The following CASC3 variants were observed in gnomAD, a reference collection of about 807,000 sequenced individuals.
CASC3 encodes the protein CASC3 exon junction complex subunit, also known as protein CASC3.
Under a neutral mutation model 80.5 loss-of-function variants are expected in CASC3, and 30 were observed. The observed-to-expected ratio is 0.37, with a 90% confidence interval of 0.28 to 0.51. The LOEUF is 0.51. CASC3 is among the 20% of genes least tolerant of loss of function. The pLI is 0.94. For synonymous variants in CASC3, 312 were observed against 333.6 expected (o/e 0.94, Z 0.70); for missense variants, 824 against 922.2 (o/e 0.89, Z 1.38).
At position 40,167,747 on chromosome 17, in the gene CASC3, C is replaced by T. The variant is rs554132311; in HGVS notation, c.1652-103C>T. ...AACATTGTCTGGTTGCTGTTTTCTT[C>T]GCATGGAATATTGAGAACATCTTTT... On this transcript the variant is annotated intron_variant, in intron 9 of 13. Coordinates refer to ENST00000264645, the MANE Select transcript of CASC3 (RefSeq NM_007359.5). 7.3e-4 allele frequency: 940 copies of T among 1,292,394 alleles called. 4 individuals are homozygous for T. The African/African-American group carries it at 0.011, about 16-fold the overall frequency. 80.1% of individuals were successfully genotyped at this position (1,292,394 alleles called of 1,614,324 possible). A position where few individuals can be genotyped will look rare whatever the true frequency, so the allele number is the denominator to read the frequency against.
At chr17:40,150,568 G>C (rs1029571378) in intron 3 of CASC3, among the ~76,000 whole-genome samples, 3 of 152,012 alleles carry the variant, frequency 2.0e-5, no homozygotes, top group African/African-American at 7.3e-5. Context: ...TGATTGAAAT[G>C]AATGAGCTAT....
At position 40,167,935 on chromosome 17, in the gene CASC3, C is replaced by A. The variant is rs1317631239; in HGVS notation, c.1737C>A (p.Asn579Lys). ...PQGMLVQPGMNLPHPGLHPHQ... is the reference protein window; with the variant it reads ...PQGMLVQPGMKLPHPGLHPHQ... ...GCATGCTTGTGCAGCCAGGAATGAA[C>A]CTTCCCCACCCAGGTAAGCTTTGTG... The change falls in exon 10 of 14, where the codon AAC (asparagine) becomes AAA (lysine). Residue 579 changes from asparagine (N) to lysine (K), a missense_variant. Around this residue, in one of 3 missense-constraint regions of CASC3, gnomAD observed 464 missense variants for 506.0 expected, o/e 0.92. Coordinates refer to ENST00000264645, the MANE Select transcript of CASC3 (RefSeq NM_007359.5). 1.9e-6 allele frequency: 3 copies of A among 1,614,062 alleles called. No individual in the cohort carries two copies. Among genetic ancestry groups the A allele is most frequent in the Admixed American group, 1.7e-5 (1 of 60,006 alleles).
chr17:40,142,387 A>G (rs1451172221), intron 3 of CASC3, among the ~76,000 whole-genome samples: 1 of 152,256 alleles, frequency 6.6e-6, no homozygotes, highest in Non-Finnish European at 1.5e-5. Flanking sequence ...AGGGTGTTAC[A>G]GCTGGGTACT....
At chr17:40,156,711 A>T (rs1368873850) in intron 3 of CASC3, among the ~76,000 whole-genome samples, 1 of 152,024 alleles carries the variant, frequency 6.6e-6, no homozygotes, top group Non-Finnish European at 1.5e-5. Context: ...TTAAAAAAAT[A>T]AAATAGTTGA....
At chr17:40,154,105 GTTTTTTT>G (rs548654217) in intron 3 of CASC3, among the ~76,000 whole-genome samples, 1 of 76,768 alleles carries the variant, frequency 1.3e-5, no homozygotes, top group South Asian at 4.4e-4. Context: ...GATGCTGAGC[GTTTTTTT>G]TTTTTTTTTT....
intron 3 of CASC3, among the ~76,000 whole-genome samples, chr17:40,156,453 G>A (rs575778364): frequency 4.4e-4 from 67 of 152,212 alleles, no homozygotes; most frequent in African/African-American, 1.6e-3. Flanking sequence ...TTGGGAGGCC[G>A]AGACAGGCGG....
chr17:40,168,094 C>A, intron 10 of CASC3, 109 bp from the exon 11 acceptor site: 1 of 1,263,876 alleles, frequency 7.9e-7, no homozygotes, highest in Admixed American at 1.8e-5. Context: ...CTCTTGTGTC[C>A]ATCCTGAGGA....
chr17:40,162,485 T>A (rs1356093871), intron 5 of CASC3, among the ~76,000 whole-genome samples: 1 of 152,204 alleles, frequency 6.6e-6, no homozygotes. Context: ...AGGTACTGAA[T>A]GGCATGAAAT....
chr17:40,163,368 C>G lies in CASC3; in HGVS notation c.786-113C>G, dbSNP rs1989355955. 1.3e-5 allele frequency: 11 copies of G among 834,146 alleles called. No individual in the cohort carries two copies. In the South Asian group the frequency reaches 1.7e-4, roughly 13 times the overall value. 51.7% of individuals were successfully genotyped at this position (834,146 alleles called of 1,614,324 possible). ...CAGGCTGGTCTTGAACTCCTGGCCT[C>G]AAGTGATCTGCCCGTCTCGATCTCC... On this transcript the variant is annotated intron_variant, in intron 6 of 13. Transcript: ENST00000264645.
chr17:40,166,177 A>C (rs1489782312), intron 7 of CASC3, among the ~76,000 whole-genome samples: 1 of 152,110 alleles, frequency 6.6e-6, no homozygotes, highest in Non-Finnish European at 1.5e-5. Context: ...CATTTTGCCT[A>C]TTGTGGTTTG....
chr17:40,148,255 G>C (rs887410863), intron 3 of CASC3, among the ~76,000 whole-genome samples: 1 of 152,000 alleles, frequency 6.6e-6, no homozygotes, highest in Non-Finnish European at 1.5e-5. Context: ...CTGTCCTACT[G>C]AATTTGGTCC....
chr17:40,158,868 T>C lies in CASC3; in HGVS notation c.298-2885T>C, dbSNP rs371608337. ...TTCTGCTGCAGAAAACCAGTACTCA[T>C]AGGCATTAAAAAAAGCTACCATTTT... On this transcript the variant is annotated intron_variant, in intron 3 of 13. Transcript: ENST00000264645. Among the ~76,000 whole-genome samples, 38 of 152,226 alleles carry C rather than the reference T, an allele frequency of 2.5e-4. No homozygotes were observed. The East Asian group carries it at 6.4e-3, about 26-fold the overall frequency.
Position 40,167,839 on chromosome 17 carries a change from A to G in CASC3, c.1652-11A>G. On this transcript the variant is annotated splice_polypyrimidine_tract_variant and intron_variant, in intron 9 of 13. Coordinates refer to ENST00000264645, the MANE Select transcript of CASC3 (RefSeq NM_007359.5). ...AAGGGTTTATGAGAGTCCCAATGTGATATCTTACAGTGCAGTTCCAGGGAC... is the reference window on the plus strand; with the variant it reads ...AAGGGTTTATGAGAGTCCCAATGTGGTATCTTACAGTGCAGTTCCAGGGAC... The G allele has an allele frequency of 1.2e-6, 2 of 1,609,308 alleles. No individual in the cohort carries two copies. The highest frequency in any genetic ancestry group is 1.1e-5 in the South Asian group (1 of 90,988).
rs899684038 is a variant in CASC3, at chr17:40,141,598, A to C, written c.288A>C (p.Glu96Asp). ...DAVLSDYESA[E>D]DSEGEEGEYS... ...TTCTCTCGGATTATGAAAGTGCAGAAGACTCGGAAGTGAGTATGACAGGTT... is the reference window on the plus strand; with the variant it reads ...TTCTCTCGGATTATGAAAGTGCAGACGACTCGGAAGTGAGTATGACAGGTT... Residue 96 changes from glutamate to aspartate, a missense_variant, in exon 3 of 14, where the codon GAA becomes GAC. Physicochemically the swap from Glu to Asp is conservative, Grantham distance 45. This residue lies in a region of CASC3 where 201 missense variants were observed against 294.1 expected (regional missense o/e 0.68). Transcript: ENST00000264645. 1.5e-5 allele frequency: 25 copies of C among 1,613,568 alleles called. No homozygotes were observed. Among genetic ancestry groups the C allele is most frequent in the Middle Eastern group, 3.3e-4 (2 of 6,082 alleles).
At chr17:40,155,502 G>C (rs891990217) in intron 3 of CASC3, among the ~76,000 whole-genome samples, 3 of 152,198 alleles carry the variant, frequency 2.0e-5, no homozygotes, top group African/African-American at 7.2e-5. Flanking sequence ...GGTTTGGAGT[G>C]CAGCCATGGA....
intron 3 of CASC3, among the ~76,000 whole-genome samples, chr17:40,149,264 T>G (rs1988936071): frequency 6.6e-6 from 1 of 152,098 alleles, no homozygotes; most frequent in African/African-American, 2.4e-5. Context: ...CCACTGCCAT[T>G]TTCTGAGAGT....
intron 8 of CASC3, 23 bp downstream of exon 8, chr17:40,166,884 A>G (rs1267905564): frequency 6.4e-7 from 1 of 1,573,170 alleles, no homozygotes; most frequent in Non-Finnish European, 8.7e-7. Flanking sequence ...AAAGGGGTAG[A>G]TGGGGGAGGG....
At position 40,150,415 on chromosome 17, in the gene CASC3, C is replaced by CGT. The variant is rs10545573; in HGVS notation, c.297+8837_297+8838dup. ...CTGCTTCAAAAAGTAAGAGTGTGTG[C>CGT]GTGTGTGTGTGTGTGTGTGTGTGTG... On this transcript the variant is annotated intron_variant, in intron 3 of 13. Coordinates refer to ENST00000264645, the MANE Select transcript of CASC3 (RefSeq NM_007359.5). Among the ~76,000 whole-genome samples, 1,130 of 149,026 alleles carry CGT rather than the reference C, an allele frequency of 7.6e-3. 10 individuals carry two copies. The highest frequency in any genetic ancestry group is 0.018 in the East Asian group (93 of 5,032).
intron 3 of CASC3, among the ~76,000 whole-genome samples, chr17:40,159,366 A>G (rs1989231409): frequency 6.6e-6 from 1 of 152,070 alleles, no homozygotes; most frequent in Non-Finnish European, 1.5e-5. Context: ...GTGTTATTGA[A>G]TGTATAACAG....
Sources: allele counts gnomAD v4.1 joint callset (sites outside exome capture counted in the v4.1 genomes callset), GRCh38; gene constraint gnomAD v4.1.1; regional missense constraint gnomAD v4.1.1; transcripts MANE v1.5; gene names NCBI Gene and HGNC (gene_info 2026-07-23, HGNC 2026-07-21).